Variants in MACROD2 observed in about 807,000 individuals in gnomAD.
The protein encoded by MACROD2 is mono-ADP ribosylhydrolase 2.
MACROD2 carries 36 observed loss-of-function variants against 70.4 expected under a neutral mutation model. The ratio of observed to expected loss-of-function variants is 0.51; its 90% CI spans 0.39 to 0.68. The LOEUF is 0.68. Among genes scored for constraint, MACROD2 ranks in the 30% least tolerant of loss-of-function variants. The pLI, the probability that MACROD2 is intolerant of heterozygous loss-of-function variation, is 0.00. For missense variants in MACROD2, 496 were observed against 538.4 expected (o/e 0.92, Z 0.78); for synonymous variants, 172 against 178.8 (o/e 0.96, Z 0.30).
chr20:14,879,199 A>G (rs1376341022), intron 5 of MACROD2, among the ~76,000 whole-genome samples: 2 of 152,166 alleles, frequency 1.3e-5, no homozygotes, highest in African/African-American at 4.8e-5. Context: ...AAGTAGGTGA[A>G]TAGTTTTGTT....
chr20:15,347,490 T>C (rs6043227), intron 6 of MACROD2, among the ~76,000 whole-genome samples: 39,234 of 151,956 alleles, frequency 0.26, 5,135 homozygotes, highest in Middle Eastern at 0.33. Flanking sequence ...TAAATTTATA[T>C]TGGGAAAATG....
chr20:14,331,507 C>T (rs530056598), intron 3 of MACROD2, among the ~76,000 whole-genome samples: 43 of 152,124 alleles, frequency 2.8e-4, no homozygotes, highest in South Asian at 6.2e-4. Context: ...TCTCTTCTCC[C>T]CACATTGTAT....
At chr20:14,483,821 C>G (rs1307669576) in intron 3 of MACROD2, among the ~76,000 whole-genome samples, 1 of 152,078 alleles carries the variant, frequency 6.6e-6, no homozygotes, top group African/African-American at 2.4e-5. Flanking sequence ...CAAGTTTTTC[C>G]TTTGCATTTA....
At chr20:15,118,196 A>ATTT (rs35217480) in intron 5 of MACROD2, among the ~76,000 whole-genome samples, 17,110 of 145,878 alleles carry the variant, frequency 0.12, 1,224 homozygotes, top group Middle Eastern at 0.23. Context: ...TTAATTTTAA[A>ATTT]TTTTTTTTTT....
At chr20:14,477,273 G>A (rs1394658343) in intron 3 of MACROD2, among the ~76,000 whole-genome samples, 1 of 152,140 alleles carries the variant, frequency 6.6e-6, no homozygotes, top group African/African-American at 2.4e-5. Flanking sequence ...ATGAATTAGA[G>A]TGGCTTGTGA....
At chr20:14,072,401 CAT>C (rs1373833746) in intron 2 of MACROD2, among the ~76,000 whole-genome samples, 1 of 120,170 alleles carries the variant, frequency 8.3e-6, no homozygotes, top group African/African-American at 3.1e-5. Flanking sequence ...TGATGAAGAT[CAT>C]GGGCTGCCTG....
In MACROD2 at chr20:15,930,819, C is replaced by T. The variant is rs192713169; in HGVS notation, c.776-2457C>T. Among the ~76,000 whole-genome samples the T allele has an allele frequency of 9.8e-5, 15 of 152,306 alleles. No homozygotes were observed. In the East Asian group the frequency reaches 2.3e-3, roughly 24 times the overall value. On this transcript the variant is annotated intron_variant, in intron 10 of 17. Coordinates refer to ENST00000684519, the MANE Select transcript of MACROD2 (RefSeq NM_001351661.2). ...CAGACTGGTTGTTACTATTAGAAAG[C>T]TGGATTTCAGGGTCTGACCATGGAT...
At chr20:14,803,146 T>C (rs1333845143) in intron 5 of MACROD2, among the ~76,000 whole-genome samples, 2 of 152,082 alleles carry the variant, frequency 1.3e-5, no homozygotes, top group African/African-American at 4.8e-5. Context: ...TTCTCCTTTG[T>C]AAGTTGTAAT....
At chr20:15,207,433 C>CTGGTTTTTTTTTTTTTTTTTTTTTTTT (rs2076719270) in intron 5 of MACROD2, among the ~76,000 whole-genome samples, 1 of 83,546 alleles carries the variant, frequency 1.2e-5, no homozygotes, top group African/African-American at 6.1e-5. Flanking sequence ...TTGTTTGTTT[C>CTGGTTTTTTTTTTTTTTTTTTTTTTTT]TGGTTTTTTT....
At chr20:14,466,128 T>G (rs1294203691) in intron 3 of MACROD2, among the ~76,000 whole-genome samples, 2 of 152,140 alleles carry the variant, frequency 1.3e-5, no homozygotes, top group African/African-American at 4.8e-5. Context: ...CTGCAGAGTG[T>G]TTTCCAACTT....
intron 8 of MACROD2, among the ~76,000 whole-genome samples, chr20:15,585,090 C>CGGTCAGTG (rs1385885079): frequency 6.6e-6 from 1 of 152,194 alleles, no homozygotes; most frequent in Non-Finnish European, 1.5e-5. Context: ...GCAGCAGACA[C>CGGTCAGTG]GGTCAGTGGG....
chr20:15,931,748 G>A (rs6043625), intron 10 of MACROD2, among the ~76,000 whole-genome samples: 20,884 of 151,726 alleles, frequency 0.14, 1,576 homozygotes, highest in South Asian at 0.28. Context: ...TGCATTCTTC[G>A]CCAACCTCAG....
chr20:15,871,794 C>G (rs994718733), intron 9 of MACROD2, among the ~76,000 whole-genome samples: 1 of 152,080 alleles, frequency 6.6e-6, no homozygotes, highest in Non-Finnish European at 1.5e-5. Context: ...GTTTGTGAAG[C>G]CCTGACTGAG....
intron 6 of MACROD2, among the ~76,000 whole-genome samples, chr20:15,323,766 A>T (rs889112647): frequency 6.6e-6 from 1 of 152,034 alleles, no homozygotes; most frequent in African/African-American, 2.4e-5. Context: ...ACTCTAGTTT[A>T]TACTCTCATC....
At chr20:14,962,048 G>T (rs1305752577) in intron 5 of MACROD2, among the ~76,000 whole-genome samples, 1 of 152,110 alleles carries the variant, frequency 6.6e-6, no homozygotes, top group Non-Finnish European at 1.5e-5. Context: ...TACCATCTGG[G>T]CTCACTGCAA....
chr20:15,457,534 A>G (rs1195443926), intron 7 of MACROD2, among the ~76,000 whole-genome samples: 1 of 152,110 alleles, frequency 6.6e-6, no homozygotes, highest in Non-Finnish European at 1.5e-5. Flanking sequence ...AGCCTCATTC[A>G]CTTGTTGGAA....
chr20:15,940,570 G>A (rs961473929), intron 12 of MACROD2, among the ~76,000 whole-genome samples: 1 of 152,166 alleles, frequency 6.6e-6, no homozygotes, highest in Non-Finnish European at 1.5e-5. Flanking sequence ...AGTGGTGGCC[G>A]TCAACATTGA....
At chr20:15,374,464 C>T (rs1232758518) in intron 6 of MACROD2, among the ~76,000 whole-genome samples, 1 of 152,058 alleles carries the variant, frequency 6.6e-6, no homozygotes, top group Non-Finnish European at 1.5e-5. Context: ...CCACTTTCGA[C>T]CACAATAATG....
At chr20:14,066,099 G>A (rs1403401887) in intron 2 of MACROD2, among the ~76,000 whole-genome samples, 1 of 151,842 alleles carries the variant, frequency 6.6e-6, no homozygotes, top group East Asian at 1.9e-4. Context: ...TTTAGATTTA[G>A]GTATCTACTG....
Sources: allele counts gnomAD v4.1 joint callset (sites outside exome capture counted in the v4.1 genomes callset), GRCh38; gene constraint gnomAD v4.1.1; transcripts MANE v1.5; gene names NCBI Gene and HGNC (gene_info 2026-07-23, HGNC 2026-07-21).